Variants in PAG1 observed in about 807,000 individuals in gnomAD.
PAG1 encodes the protein phosphoprotein membrane anchor with glycosphingolipid microdomains 1.
Under a neutral mutation model 31.7 loss-of-function variants are expected in PAG1, and 23 were observed. The ratio of observed to expected loss-of-function variants is 0.73; its 90% CI spans 0.52 to 1.03. The LOEUF (loss-of-function observed/expected upper bound fraction) is 1.03, where lower values mean the gene tolerates loss of function less well. Ranked by LOEUF, PAG1 falls within the 50% of genes least tolerant of loss-of-function variation. The pLI, the probability that PAG1 is intolerant of heterozygous loss-of-function variation, is 0.00. For synonymous variants in PAG1, 214 were observed against 210.3 expected, an observed-to-expected ratio of 1.02 and a Z score of -0.15; for missense variants, 473 against 540.7, an observed-to-expected ratio of 0.87 and a Z score of 1.24.
chr8:81,033,874 G>T (rs1244033764), intron 2 of PAG1, among the ~76,000 whole-genome samples: 4 of 152,230 alleles, frequency 2.6e-5, no homozygotes, highest in African/African-American at 9.6e-5. Flanking sequence ...GCTGAGGAGG[G>T]TCTAAGGAAA....
Position 81,060,383 on chromosome 8 carries a change from G to T in PAG1, c.-175+9729C>A, listed in dbSNP as rs181922423. 1.9e-3 allele frequency among the ~76,000 whole-genome samples: 290 copies of T among 152,250 alleles called. 2 individuals carry two copies. Among genetic ancestry groups the T allele is most frequent in the African/African-American group, 4.7e-3 (194 of 41,558 alleles). On this transcript the variant is annotated intron_variant, in intron 2 of 8. Transcript: ENST00000220597. The stretch of plus-strand genomic sequence containing the variant: ...AAAAGTCAAAGAGCAGAGCAGCCAC[G>T]GATGTTTTTCTTACAGGTTGATTAT...
chr8:81,083,214 G>A lies in PAG1; in HGVS notation c.-233-13044C>T, dbSNP rs1047928613. Among the ~76,000 whole-genome samples the A allele has an allele frequency of 2.6e-5, 4 of 152,000 alleles. 1 individual carries two copies. In the South Asian group the frequency reaches 6.2e-4, roughly 24 times the overall value. On this transcript the variant is annotated intron_variant, in intron 1 of 8. Coordinates refer to ENST00000220597, the MANE Select transcript of PAG1 (RefSeq NM_018440.4). Reference sequence around the variant, plus strand: ...GGAGTGGGAGTTTTGGCTCTCCATCGGGCCTCCAACAATACTTCCTGGCTG... The same window carrying A: ...GGAGTGGGAGTTTTGGCTCTCCATCAGGCCTCCAACAATACTTCCTGGCTG...
intron 3 of PAG1, among the ~76,000 whole-genome samples, chr8:81,008,927 T>C (rs1807933020): frequency 6.6e-6 from 1 of 152,218 alleles, no homozygotes; most frequent in Non-Finnish European, 1.5e-5. Flanking sequence ...AACTATTAAA[T>C]GACATTGTTC....
intron 3 of PAG1, among the ~76,000 whole-genome samples, chr8:81,026,625 G>A (rs1168714258): frequency 6.6e-6 from 1 of 152,012 alleles, no homozygotes; most frequent in Non-Finnish European, 1.5e-5. Flanking sequence ...TCACTGGTGT[G>A]TGCTAAAGAT....
At chr8:80,980,192 C>A (rs1424273610) in intron 8 of PAG1, among the ~76,000 whole-genome samples, 2 of 152,166 alleles carry the variant, frequency 1.3e-5, no homozygotes, top group East Asian at 3.9e-4. Context: ...TTTTCCTGAC[C>A]CTGCTTTCCT....
At position 81,050,799 on chromosome 8, in the gene PAG1, T is replaced by A. The variant is rs111555962; in HGVS notation, c.-175+19313A>T. Among the ~76,000 whole-genome samples the A allele has an allele frequency of 3.5e-3, 538 of 152,264 alleles. 2 individuals are homozygous for A. Among genetic ancestry groups the A allele is most frequent in the African/African-American group, 0.012 (507 of 41,526 alleles). ...ATCAGCTGGTGAGTCAACTCCGCAA[T>A]CGCATCCTCACATTCCTGCTGCATG... is the stretch of plus-strand genomic sequence containing the variant. On this transcript the variant is annotated intron_variant, in intron 2 of 8. Coordinates refer to ENST00000220597, the MANE Select transcript of PAG1 (RefSeq NM_018440.4).
At chr8:81,054,971 A>C (rs1808792047) in intron 2 of PAG1, among the ~76,000 whole-genome samples, 1 of 152,154 alleles carries the variant, frequency 6.6e-6, no homozygotes, top group South Asian at 2.1e-4. Context: ...CATTATAATT[A>C]TTATAACCTT....
intron 3 of PAG1, among the ~76,000 whole-genome samples, chr8:80,996,504 C>T (rs1016784799): frequency 5.9e-5 from 9 of 152,180 alleles, no homozygotes; most frequent in African/African-American, 1.7e-4. Flanking sequence ...ATTTTGGCAG[C>T]TCATCTACAA....
chr8:81,097,284 G>T (rs530322370), intron 1 of PAG1, among the ~76,000 whole-genome samples: 1 of 152,184 alleles, frequency 6.6e-6, no homozygotes, highest in Non-Finnish European at 1.5e-5. Flanking sequence ...AGCATCACCA[G>T]AGCTGGGGAG....
At chr8:81,029,009 G>C (rs149122743) in intron 3 of PAG1, among the ~76,000 whole-genome samples, 107 of 152,286 alleles carry the variant, frequency 7.0e-4, no homozygotes, top group Non-Finnish European at 1.2e-3. Flanking sequence ...CTTCTAAACA[G>C]AGAAAGTTGA....
intron 2 of PAG1, among the ~76,000 whole-genome samples, chr8:81,056,956 G>A (rs1039222676): frequency 6.6e-6 from 1 of 152,182 alleles, no homozygotes; most frequent in Non-Finnish European, 1.5e-5. Context: ...GCAGCCAACA[G>A]ACACATGAAA....
chr8:80,995,604 C>T (rs1807657650), intron 3 of PAG1, among the ~76,000 whole-genome samples: 1 of 152,352 alleles, frequency 6.6e-6, no homozygotes, highest in South Asian at 2.1e-4. Flanking sequence ...TTAGGAATCA[C>T]AGACAAAAGG....
At position 80,974,228 on chromosome 8, in the gene PAG1, G is replaced by GA. The variant is rs1302408193; in HGVS notation, c.*2315dup. The GA allele has an allele frequency of 5.1e-5, 7 of 137,050 alleles. No individual in the cohort carries two copies. Among genetic ancestry groups the GA allele is most frequent in the Non-Finnish European group, 9.2e-5 (6 of 65,262 alleles). The allele number at this position is 137,050 out of a possible 1,614,324, so 8.5% of individuals were successfully genotyped here. A position where few individuals can be genotyped will look rare whatever the true frequency, so the allele number is the denominator to read the frequency against. On this transcript the variant is annotated 3_prime_UTR_variant, in exon 9 of 9. Transcript: ENST00000220597. ...CTTTTTGATAAGTAAGGCATGAAAT[G>GA]AAACAAAAGTTTTGAGCTGTAAGGT...
At chr8:81,010,888 G>A (rs1807971349) in intron 3 of PAG1, among the ~76,000 whole-genome samples, 2 of 152,110 alleles carry the variant, frequency 1.3e-5, no homozygotes, top group South Asian at 2.1e-4. Flanking sequence ...CTCACCTGGA[G>A]CTTTTATACT....
intron 7 of PAG1, among the ~76,000 whole-genome samples, chr8:80,984,110 T>C (rs1384509530): frequency 1.3e-5 from 2 of 152,206 alleles, no homozygotes; most frequent in African/African-American, 2.4e-5. Flanking sequence ...CTGAAGTAGA[T>C]GGGCCTAGTT....
intron 2 of PAG1, among the ~76,000 whole-genome samples, chr8:81,040,530 C>G (rs766788231): frequency 6.6e-6 from 1 of 152,138 alleles, no homozygotes; most frequent in Non-Finnish European, 1.5e-5. Context: ...CCCGATGAGG[C>G]ATATCAAAAT....
At chr8:81,037,981 G>T (rs556686452) in intron 2 of PAG1, among the ~76,000 whole-genome samples, 1 of 152,266 alleles carries the variant, frequency 6.6e-6, no homozygotes, top group East Asian at 1.9e-4. Context: ...GTGCATCATG[G>T]GCAGCTAACT....
intron 3 of PAG1, among the ~76,000 whole-genome samples, chr8:80,993,708 C>T (rs926678881): frequency 4.0e-5 from 6 of 151,686 alleles, no homozygotes; most frequent in Non-Finnish European, 5.9e-5. Context: ...AAGCAATCCT[C>T]TCCTGAACCA....
intron 8 of PAG1, among the ~76,000 whole-genome samples, chr8:80,978,482 C>T (rs765232934): frequency 1.3e-5 from 2 of 152,128 alleles, no homozygotes; most frequent in Non-Finnish European, 2.9e-5. Context: ...AGACGGCATA[C>T]CAGCGTATTC....
Sources: gnomAD v4.1 joint callset for allele counts (sites outside exome capture counted in the v4.1 genomes callset) on GRCh38, gnomAD v4.1.1 for gene constraint, MANE v1.5 for transcripts, NCBI Gene and HGNC (gene_info 2026-07-23, HGNC 2026-07-21) for gene names.